RAB22A: variants seen among roughly 807,000 people sequenced by gnomAD.
The protein encoded by RAB22A is RAB22A, member RAS oncogene family.
RAB22A carries 13 observed loss-of-function variants against 30.2 expected under a neutral mutation model. The ratio of observed to expected loss-of-function variants is 0.43; its 90% CI spans 0.28 to 0.68. RAB22A has a LOEUF of 0.68. Ranked by LOEUF, RAB22A falls within the 30% of genes least tolerant of loss-of-function variation. The pLI is 0.18. For missense variants in RAB22A, 177 were observed against 246.8 expected, an observed-to-expected ratio of 0.72 and a Z score of 1.89; for synonymous variants, 89 against 87.2, an observed-to-expected ratio of 1.02 and a Z score of -0.11.
intron 2 of RAB22A, among the ~76,000 whole-genome samples, chr20:58,327,786 GAC>G (rs1986593303): frequency 3.9e-5 from 6 of 152,220 alleles, no homozygotes; most frequent in Admixed American, 3.9e-4. Context: ...GTAAACATCA[GAC>G]AAACTCACAT....
chr20:58,356,311 CA>C (rs199550503), intron 6 of RAB22A, among the ~76,000 whole-genome samples: 12,798 of 91,198 alleles, frequency 0.14, 821 homozygotes, highest in South Asian at 0.3. Context: ...GACTCCATCT[CA>C]AAAAAAAAAA....
chr20:58,333,314 G>A (rs867329797), intron 2 of RAB22A, among the ~76,000 whole-genome samples: 5 of 89,822 alleles, frequency 5.6e-5, no homozygotes, highest in South Asian at 9.8e-4. Flanking sequence ...AATAAATCCC[G>A]CCAGCTAATT....
At chr20:58,348,126 C>T (rs1986982474) in intron 3 of RAB22A, among the ~76,000 whole-genome samples, 1 of 152,112 alleles carries the variant, frequency 6.6e-6, no homozygotes, top group Admixed American at 6.5e-5. Flanking sequence ...ACTCGGAAGG[C>T]TGAGGCAGGA....
chr20:58,316,567 CGTAGTGAGCCATTGT>C (rs1345516690), intron 2 of RAB22A, among the ~76,000 whole-genome samples: 3 of 152,080 alleles, frequency 2.0e-5, no homozygotes, highest in Non-Finnish European at 4.4e-5. Context: ...AAATCACCAC[CGTAGTGAGCCATTGT>C]GTAGTGAGCC....
At position 58,354,198 on chromosome 20, in the gene RAB22A, T is replaced by G; in HGVS notation, c.420T>G (p.Ile140Met). The change falls in exon 6 of 7, where the codon ATT becomes ATG. Residue 140 changes from isoleucine (I) to methionine (M), a missense_variant. Coordinates refer to ENST00000244040, the MANE Select transcript of RAB22A (RefSeq NM_020673.3). ...ERDAKDYADS[I>M]HAIFVETSAK... ...ATGCAAAGGACTACGCCGACTCTATTCATGCAATTTTTGTAGAGACCAGCG... is the reference window on the plus strand; with the variant it reads ...ATGCAAAGGACTACGCCGACTCTATGCATGCAATTTTTGTAGAGACCAGCG... 4 of 1,613,936 alleles carry G rather than the reference T, an allele frequency of 2.5e-6. No homozygotes were observed. Among genetic ancestry groups the G allele is most frequent in the Non-Finnish European group, 2.5e-6 (3 of 1,179,848 alleles).
At position 58,350,412 on chromosome 20, in the gene RAB22A, G is replaced by A. The variant is rs113416203; in HGVS notation, c.199-2861G>A. ...AAGAAATAATGGCTGAAAATTTCCC[G>A]AATTTAGTGAAACATAACTCACAAA... On this transcript the variant is annotated intron_variant, in intron 3 of 6. Transcript: ENST00000244040. Among the ~76,000 whole-genome samples the A allele has an allele frequency of 6.6e-5, 10 of 152,198 alleles. 1 individual carries two copies. Among genetic ancestry groups the A allele is most frequent in the African/African-American group, 2.2e-4 (9 of 41,530 alleles).
chr20:58,309,872 C>A lies in RAB22A; in HGVS notation c.-105C>A. ...GCAGCCGCCTCTGCGCGGACCGGGG[C>A]TGGGCCGTGCGGCGGCAGCGGCGCC... On this transcript the variant is annotated 5_prime_UTR_variant, in exon 1 of 7. The change creates a new upstream start codon in the 5' untranslated region. Coordinates refer to ENST00000244040, the MANE Select transcript of RAB22A (RefSeq NM_020673.3). 8.8e-7 allele frequency: 1 copy of A among 1,131,182 alleles called. No homozygotes were observed. The highest frequency in any genetic ancestry group is 1.1e-6 in the Non-Finnish European group (1 of 884,592). 70.1% of individuals were successfully genotyped at this position (1,131,182 alleles called of 1,614,324 possible).
Position 58,343,761 on chromosome 20 carries a change from C to T in RAB22A, c.160C>T (p.His54Tyr). 6.2e-7 allele frequency: 1 copy of T among 1,611,862 alleles called. No individual in the cohort carries two copies. The highest frequency in any genetic ancestry group is 1.3e-5 in the African/African-American group (1 of 74,970). ...GACTGTCCAGTACCAAAATGAGCTA[C>T]ATAAATTCCTAATCTGGGATACAGC... ...TKTVQYQNEL[H>Y]KFLIWDTAGQ... is the part of the protein sequence containing the mutation. The change falls in exon 3 of 7, where the codon CAT (histidine) becomes TAT (tyrosine). Residue 54 changes from histidine to tyrosine, a missense_variant. His to Tyr is a moderately conservative substitution (Grantham distance 83). Coordinates refer to ENST00000244040, the MANE Select transcript of RAB22A (RefSeq NM_020673.3).
At chr20:58,353,244 TTTTG>T (rs1335033140) in intron 3 of RAB22A, 25 bp from the exon 4 acceptor site, 1 of 1,594,912 alleles carries the variant, frequency 6.3e-7, no homozygotes, top group African/African-American at 1.3e-5. Context: ...GTTTTCCCAA[TTTTG>T]TTTATTTTTC....
chr20:58,327,173 T>C (rs1986583376), intron 2 of RAB22A, among the ~76,000 whole-genome samples: 1 of 151,316 alleles, frequency 6.6e-6, no homozygotes, highest in Non-Finnish European at 1.5e-5. Flanking sequence ...GTCTTGATAT[T>C]TTTTGCATCT....
chr20:58,366,807 A>G lies in RAB22A; in HGVS notation c.*7104A>G, dbSNP rs1266425519. On this transcript the variant is annotated 3_prime_UTR_variant, in exon 7 of 7. Transcript: ENST00000244040. ...TACCATTGGTAATAAGATAGTTAAC[A>G]TAAGTGGTCAGAACTTCGCTGAATT... The G allele has an allele frequency of 6.6e-6, 1 of 152,352 alleles. No homozygotes were observed. The highest frequency in any genetic ancestry group is 1.5e-5 in the Non-Finnish European group (1 of 68,032). 9.4% of individuals were successfully genotyped at this position (152,352 alleles called of 1,614,324 possible). A position where few individuals can be genotyped will look rare whatever the true frequency, so the allele number is the denominator to read the frequency against.
rs1986980028 is a variant in RAB22A, at chr20:58,347,945, G to C, written c.198+4146G>C. ...GTGATTGTATAAAAGAAAGCTTCTT[G>C]GCCAGGCATAGTGGCTCACGCCTGT... On this transcript the variant is annotated intron_variant, in intron 3 of 6. Transcript: ENST00000244040. Among the ~76,000 whole-genome samples the C allele has an allele frequency of 2.0e-5, 3 of 152,296 alleles. No individual in the cohort carries two copies. The South Asian group carries it at 6.2e-4, about 32-fold the overall frequency.
At chr20:58,310,382 T>TA (rs1250398444) in intron 1 of RAB22A, among the ~76,000 whole-genome samples, 3 of 152,130 alleles carry the variant, frequency 2.0e-5, no homozygotes, top group Non-Finnish European at 4.4e-5. Context: ...GTAAAACCAA[T>TA]AACAGGTCTT....
chr20:58,318,397 A>C (rs1368922664), intron 2 of RAB22A, among the ~76,000 whole-genome samples: 2 of 152,166 alleles, frequency 1.3e-5, no homozygotes, highest in Non-Finnish European at 2.9e-5. Context: ...GAGTATCCCA[A>C]ATACAAAATG....
At chr20:58,353,582 C>T (rs1285824147) in intron 5 of RAB22A, 44 bp downstream of exon 5, 8 of 1,418,454 alleles carry the variant, frequency 5.6e-6, no homozygotes, top group African/African-American at 4.3e-5. Flanking sequence ...TTATGTGTTC[C>T]TTTTCTTAAT....
chr20:58,311,234 C>T (rs539920532), intron 2 of RAB22A, 112 bp downstream of exon 2: 30 of 1,006,332 alleles, frequency 3.0e-5, no homozygotes, highest in South Asian at 6.6e-5. Flanking sequence ...TTCTGAGTCG[C>T]TGGTTCGCAT....
At chr20:58,340,347 C>T (rs982894442) in intron 2 of RAB22A, among the ~76,000 whole-genome samples, 2 of 152,146 alleles carry the variant, frequency 1.3e-5, no homozygotes, top group Non-Finnish European at 2.9e-5. Flanking sequence ...ACTGCTTGGG[C>T]GTACTCAGCC....
At chr20:58,318,157 C>T (rs1014114740) in intron 2 of RAB22A, among the ~76,000 whole-genome samples, 1 of 152,244 alleles carries the variant, frequency 6.6e-6, no homozygotes, top group Non-Finnish European at 1.5e-5. Context: ...TGAGCCACAG[C>T]ATTTTGCCTA....
At chr20:58,322,939 G>T (rs948239253) in intron 2 of RAB22A, among the ~76,000 whole-genome samples, 1 of 152,076 alleles carries the variant, frequency 6.6e-6, no homozygotes, top group Non-Finnish European at 1.5e-5. Flanking sequence ...TGTCTTGGCT[G>T]TTCTTGACCT....
Sources: gnomAD v4.1 joint callset for allele counts (sites outside exome capture counted in the v4.1 genomes callset) on GRCh38, gnomAD v4.1.1 for gene constraint, MANE v1.5 for transcripts, NCBI Gene and HGNC (gene_info 2026-07-23, HGNC 2026-07-21) for gene names.